The following ARMC1 variants were observed in gnomAD, a reference collection of about 807,000 sequenced individuals.
ARMC1 encodes the protein armadillo repeat containing 1.
Under a neutral mutation model 31.4 loss-of-function variants are expected in ARMC1, and 16 were observed. That is an observed-to-expected ratio of 0.51 (90% CI 0.34 to 0.77). The LOEUF (loss-of-function observed/expected upper bound fraction) is 0.77. Among genes scored for constraint, ARMC1 ranks in the 30% least tolerant of loss-of-function variants. ARMC1 has a pLI of 0.01. For synonymous variants in ARMC1, 114 were observed against 118.9 expected, an observed-to-expected ratio of 0.96 and a Z score of 0.27; for missense variants, 259 against 347.5, an observed-to-expected ratio of 0.75 and a Z score of 2.02.
At chr8:65,632,489 T>C (rs1290328486) in intron 1 of ARMC1, among the ~76,000 whole-genome samples, 1 of 152,116 alleles carries the variant, frequency 6.6e-6, no homozygotes, top group African/African-American at 2.4e-5. Flanking sequence ...GGGGGGCACC[T>C]GTAGTCCCAG....
rs898352806 is a variant in ARMC1, at chr8:65,604,665, A to G, written c.658-80T>C. On this transcript the variant is annotated intron_variant, in intron 6 of 6. Coordinates refer to ENST00000276569, the MANE Select transcript of ARMC1 (RefSeq NM_018120.6). ...ATTACCGTGGTTATTCTCAGGGTAAATTTTCCTCTTACATGACAGTAGGCC... is the reference window on the plus strand; with the variant it reads ...ATTACCGTGGTTATTCTCAGGGTAAGTTTTCCTCTTACATGACAGTAGGCC... 1.7e-5 allele frequency: 23 copies of G among 1,323,264 alleles called. 1 individual carries two copies. The Middle Eastern group carries it at 1.7e-3, about 95-fold the overall frequency. The allele number at this position is 1,323,264 out of a possible 1,614,324, so 82.0% of individuals were successfully genotyped here.
At chr8:65,624,560 G>T (rs1808473476) in intron 2 of ARMC1, among the ~76,000 whole-genome samples, 1 of 150,370 alleles carries the variant, frequency 6.7e-6, no homozygotes, top group Non-Finnish European at 1.5e-5. Context: ...ACTGTTTAAG[G>T]CAAAAATATA....
chr8:65,613,982 T>G (rs1808198575), intron 3 of ARMC1, among the ~76,000 whole-genome samples: 1 of 150,962 alleles, frequency 6.6e-6, no homozygotes, highest in Non-Finnish European at 1.5e-5. Flanking sequence ...AACCACACGT[T>G]TAATAAAAAT....
At chr8:65,626,662 A>G (rs1808517279) in intron 2 of ARMC1, among the ~76,000 whole-genome samples, 1 of 152,176 alleles carries the variant, frequency 6.6e-6, no homozygotes, top group South Asian at 2.1e-4. Flanking sequence ...AATCCTCAAG[A>G]TTGTTAAATG....
In ARMC1 at chr8:65,605,347, G is replaced by A; in HGVS notation, c.583-10C>T. The stretch of plus-strand genomic sequence containing the variant: ...TTGCTGATGCCAAAGCCTAAGCCAA[G>A]ATAAAAAGGAACAATTTTGAAATTG... On this transcript the variant is annotated splice_polypyrimidine_tract_variant and intron_variant, in intron 5 of 6. Coordinates refer to ENST00000276569, the MANE Select transcript of ARMC1 (RefSeq NM_018120.6). 6.2e-7 allele frequency: 1 copy of A among 1,613,510 alleles called. No individual in the cohort carries two copies. The highest frequency in any genetic ancestry group is 1.3e-5 in the African/African-American group (1 of 74,968).
chr8:65,614,243 AC>A (rs1214250210), intron 3 of ARMC1, among the ~76,000 whole-genome samples: 1 of 152,184 alleles, frequency 6.6e-6, no homozygotes, highest in Non-Finnish European at 1.5e-5. Flanking sequence ...TCATAAAACC[AC>A]AGCTCTAACA....
intron 6 of ARMC1, among the ~76,000 whole-genome samples, 178 bp downstream of exon 6, chr8:65,605,085 G>C (rs1807973965): frequency 6.6e-6 from 1 of 152,196 alleles, no homozygotes; most frequent in African/African-American, 2.4e-5. Context: ...ATCAGCAAGA[G>C]CAGACTCTGA....
Position 65,604,443 on chromosome 8 carries a change from C to G in ARMC1, c.800G>C (p.Ser267Thr). Residue 267 changes from serine to threonine, a missense_variant, in exon 7 of 7, where the codon AGC (serine) becomes ACC (threonine). Around this residue, in one of 3 missense-constraint regions of ARMC1, gnomAD observed 73 missense variants for 100.0 expected, o/e 0.73. Coordinates refer to ENST00000276569, the MANE Select transcript of ARMC1 (RefSeq NM_018120.6). ...RVGSHPEGGA[S>T]WLSTAANFLS... ...AAAGTTTGCAGCTGTGCTAAGCCAG[C>G]TAGCTCCACCTTCTGGGTGTGAGCC... The G allele has an allele frequency of 6.2e-7, 1 of 1,614,202 alleles. No homozygotes were observed. The highest frequency in any genetic ancestry group is 8.5e-7 in the Non-Finnish European group (1 of 1,180,032).
intron 4 of ARMC1, among the ~76,000 whole-genome samples, chr8:65,611,525 G>A (rs1195862154): frequency 6.6e-6 from 1 of 151,600 alleles, no homozygotes. Context: ...ATCCAGGAGT[G>A]TGTAGTGACA....
rs993884633 is a variant in ARMC1 at position 65,603,702 on chromosome 8, A to G, written c.*692T>C. On this transcript the variant is annotated 3_prime_UTR_variant, in exon 7 of 7. Coordinates refer to ENST00000276569, the MANE Select transcript of ARMC1 (RefSeq NM_018120.6). ...TCACATTCAAACAGTCTCCAAAAAC[A>G]CTTCACTAATATACATGTTTCCTTC... The G allele has an allele frequency of 2.0e-5, 3 of 152,208 alleles. No individual in the cohort carries two copies. Among genetic ancestry groups the G allele is most frequent in the African/African-American group, 7.2e-5 (3 of 41,454 alleles). The allele number at this position is 152,208 out of a possible 1,614,324, so 9.4% of individuals were successfully genotyped here. A position where few individuals can be genotyped will look rare whatever the true frequency, so the allele number is the denominator to read the frequency against.
At chr8:65,631,525 C>A (rs28613797) in intron 1 of ARMC1, among the ~76,000 whole-genome samples, 18,477 of 152,194 alleles carry the variant, frequency 0.12, 2,055 homozygotes, top group East Asian at 0.53. Flanking sequence ...TGAGCCACCA[C>A]GCCTGGCCAT....
At chr8:65,631,514 G>A (rs886293691) in intron 1 of ARMC1, among the ~76,000 whole-genome samples, 9 of 152,170 alleles carry the variant, frequency 5.9e-5, no homozygotes, top group African/African-American at 1.7e-4. Flanking sequence ...GATTACAGGC[G>A]TGAGCCACCA....
intron 4 of ARMC1, among the ~76,000 whole-genome samples, chr8:65,612,698 C>G (rs996507770): frequency 1.4e-5 from 2 of 147,558 alleles, no homozygotes; most frequent in African/African-American, 5.0e-5. Flanking sequence ...CCCATCTCTA[C>G]TAAAAACACA....
intron 1 of ARMC1, among the ~76,000 whole-genome samples, chr8:65,633,191 A>C (rs1407937722): frequency 6.6e-6 from 1 of 152,242 alleles, no homozygotes; most frequent in African/African-American, 2.4e-5. Context: ...TTCACCATTC[A>C]ATTCAAAGAT....
chr8:65,604,699 G>T, intron 6 of ARMC1, 114 bp from the exon 7 acceptor site: 2 of 812,110 alleles, frequency 2.5e-6, no homozygotes, highest in Non-Finnish European at 3.9e-6. Flanking sequence ...CCCAATTGCT[G>T]AGCACTGTGT....
intron 2 of ARMC1, among the ~76,000 whole-genome samples, chr8:65,624,194 G>A (rs1222863647): frequency 6.6e-6 from 1 of 151,936 alleles, no homozygotes; most frequent in African/African-American, 2.4e-5. Flanking sequence ...TAAAAATGAA[G>A]GTAAATATAA....
intron 2 of ARMC1, among the ~76,000 whole-genome samples, chr8:65,622,636 T>C (rs1241984565): frequency 6.6e-6 from 1 of 152,040 alleles, no homozygotes; most frequent in Non-Finnish European, 1.5e-5. Context: ...GATGGAACTA[T>C]ATTCCATTTA....
intron 3 of ARMC1, among the ~76,000 whole-genome samples, chr8:65,617,028 AC>A (rs1808283908): frequency 1.5e-5 from 2 of 136,870 alleles, no homozygotes; most frequent in Non-Finnish European, 1.6e-5. Flanking sequence ...CCGGCCAGCC[AC>A]CCCGTCCGGG....
At chr8:65,632,740 C>T (rs1342525185) in intron 1 of ARMC1, among the ~76,000 whole-genome samples, 1 of 151,660 alleles carries the variant, frequency 6.6e-6, no homozygotes, top group East Asian at 1.9e-4. Context: ...GCAGGAGAAT[C>T]GCTTGAACCC....
Sources: gnomAD v4.1 joint callset for allele counts (sites outside exome capture counted in the v4.1 genomes callset) on GRCh38, gnomAD v4.1.1 for gene constraint, gnomAD v4.1.1 regional missense constraint, MANE v1.5 for transcripts, NCBI Gene and HGNC (gene_info 2026-07-23, HGNC 2026-07-21) for gene names.